Variants in ASH1L observed in about 807,000 individuals in gnomAD.
ASH1L encodes histone-lysine N-methyltransferase ASH1L.
A neutral mutation model predicts 269.0 loss-of-function variants in ASH1L; 23 were observed. That is an observed-to-expected ratio of 0.09 (90% CI 0.06 to 0.12). ASH1L has a LOEUF of 0.12. ASH1L is among the 10% of genes least tolerant of loss of function. ASH1L has a pLI of 1.00. For missense variants in ASH1L, 2,912 were observed against 3,567.8 expected (o/e 0.82, Z 4.68); for synonymous variants, 1,187 against 1,253.5 (o/e 0.95, Z 1.12).
intron 1 of ASH1L, among the ~76,000 whole-genome samples, chr1:155,547,282 A>T (rs1341749505): frequency 6.6e-6 from 1 of 152,004 alleles, no homozygotes; most frequent in African/African-American, 2.4e-5. Context: ...ACCATTTAAA[A>T]AAAAAAAAAG....
chr1:155,418,483 A>T (rs531072786), intron 5 of ASH1L, among the ~76,000 whole-genome samples: 2 of 152,262 alleles, frequency 1.3e-5, no homozygotes, highest in South Asian at 4.1e-4. Context: ...TTATGTAAAG[A>T]ATATAATACT....
intron 1 of ASH1L, among the ~76,000 whole-genome samples, chr1:155,536,695 T>C (rs1670080491): frequency 1.3e-5 from 2 of 152,014 alleles, no homozygotes; most frequent in Admixed American, 6.6e-5. Context: ...ATCATGCCAC[T>C]GCACTCCAGC....
chr1:155,531,096 T>C (rs1669640134), intron 1 of ASH1L, among the ~76,000 whole-genome samples: 1 of 151,540 alleles, frequency 6.6e-6, no homozygotes, highest in Non-Finnish European at 1.5e-5. Context: ...TGTTCAACAC[T>C]GGAGTGAGCT....
intron 2 of ASH1L, among the ~76,000 whole-genome samples, chr1:155,497,765 T>C (rs1368996915): frequency 6.6e-6 from 1 of 152,004 alleles, no homozygotes; most frequent in Non-Finnish European, 1.5e-5. Flanking sequence ...TTTTTTTTTT[T>C]TGAGACGGAG....
intron 6 of ASH1L, among the ~76,000 whole-genome samples, chr1:155,400,826 A>G (rs1481984065): frequency 6.6e-6 from 1 of 152,178 alleles, no homozygotes; most frequent in Non-Finnish European, 1.5e-5. Context: ...ATAATCACCT[A>G]TTTACAGGGA....
intron 2 of ASH1L, among the ~76,000 whole-genome samples, chr1:155,482,902 C>A (rs1424126194): frequency 6.6e-6 from 1 of 152,076 alleles, no homozygotes; most frequent in Non-Finnish European, 1.5e-5. Flanking sequence ...GATTCTAAAC[C>A]TATAGAAGAC....
chr1:155,410,461 G>A (rs889023429), intron 6 of ASH1L, among the ~76,000 whole-genome samples: 2 of 151,910 alleles, frequency 1.3e-5, no homozygotes, highest in Non-Finnish European at 2.9e-5. Context: ...CTGCCACTGC[G>A]CCCAGCTAAT....
chr1:155,482,834 T>G (rs933319873), intron 2 of ASH1L, among the ~76,000 whole-genome samples: 7 of 152,174 alleles, frequency 4.6e-5, no homozygotes, highest in Admixed American at 3.3e-4. Flanking sequence ...AGTTACAGTA[T>G]CCTATGGTCG....
intron 1 of ASH1L, among the ~76,000 whole-genome samples, chr1:155,525,328 C>T (rs1383123493): frequency 6.6e-6 from 1 of 151,932 alleles, no homozygotes; most frequent in Non-Finnish European, 1.5e-5. Flanking sequence ...GGCTCACAAT[C>T]CTGAAGTCCA....
At chr1:155,352,613 T>C in intron 17 of ASH1L, 93 bp downstream of exon 17, 2 of 1,316,012 alleles carry the variant, frequency 1.5e-6, no homozygotes, top group South Asian at 3.4e-5. Flanking sequence ...GAGACTAGCC[T>C]GGGCAATATA....
chr1:155,362,697 A>G (rs1655071511), intron 12 of ASH1L, among the ~76,000 whole-genome samples: 2 of 152,094 alleles, frequency 1.3e-5, no homozygotes, highest in African/African-American at 2.4e-5. Flanking sequence ...AAACAATCCT[A>G]TAGAAAAAAC....
At chr1:155,473,779 C>A (rs921646698) in intron 3 of ASH1L, among the ~76,000 whole-genome samples, 1 of 152,144 alleles carries the variant, frequency 6.6e-6, no homozygotes, top group Admixed American at 6.5e-5. Context: ...AGATTACAGG[C>A]ATTAGCCACC....
chr1:155,346,576 G>A lies in ASH1L; in HGVS notation c.7804-107C>T. ...CAATAGGTCAGGGTAAAGTAAAAGA[G>A]GAACTAAGGGATAACTGGGTGAATG... On this transcript the variant is annotated intron_variant, in intron 20 of 27. Transcript: ENST00000392403. 40 of 814,026 alleles carry A rather than the reference G, an allele frequency of 4.9e-5. No individual in the cohort carries two copies. The South Asian group carries it at 5.7e-4, about 12-fold the overall frequency. 50.4% of individuals were successfully genotyped at this position (814,026 alleles called of 1,614,324 possible). A position where few individuals can be genotyped will look rare whatever the true frequency, so the allele number is the denominator to read the frequency against.
chr1:155,427,905 G>A (rs748491449), intron 5 of ASH1L, among the ~76,000 whole-genome samples: 13 of 152,226 alleles, frequency 8.5e-5, no homozygotes, highest in Non-Finnish European at 1.8e-4. Context: ...AGTGAGTTCT[G>A]TTGAGATCTG....
Position 155,468,108 on chromosome 1 carries a change from TG to T in ASH1L, c.4985-8211del, listed in dbSNP as rs1664826199. Among the ~76,000 whole-genome samples the T allele has an allele frequency of 2.0e-5, 3 of 152,162 alleles. No homozygotes were observed. The South Asian group carries it at 6.2e-4, about 31-fold the overall frequency. ...TCTGGGATATCACATTGTATTTAGT[TG>T]TCATGTCTCCTTAGTCTTCTCTGTT... is the stretch of plus-strand genomic sequence containing the variant. On this transcript the variant is annotated intron_variant, in intron 3 of 27. Coordinates refer to ENST00000392403, the MANE Select transcript of ASH1L (RefSeq NM_018489.3).
At chr1:155,494,448 A>G (rs1299331217) in intron 2 of ASH1L, among the ~76,000 whole-genome samples, 1 of 152,232 alleles carries the variant, frequency 6.6e-6, no homozygotes, top group Non-Finnish European at 1.5e-5. Flanking sequence ...ACTGTTGTGG[A>G]TATGTCAAGG....
chr1:155,514,262 T>G (rs1289468157), intron 2 of ASH1L, among the ~76,000 whole-genome samples: 1 of 152,186 alleles, frequency 6.6e-6, no homozygotes, highest in Non-Finnish European at 1.5e-5. Flanking sequence ...AATTATACAC[T>G]TACAAATGGT....
At chr1:155,471,767 A>T (rs1200360719) in intron 3 of ASH1L, among the ~76,000 whole-genome samples, 1 of 152,230 alleles carries the variant, frequency 6.6e-6, no homozygotes, top group African/African-American at 2.4e-5. Flanking sequence ...CGAAGTTGCA[A>T]ATTTTTAGCA....
intron 7 of ASH1L, among the ~76,000 whole-genome samples, chr1:155,393,848 A>G (rs555515154): frequency 6.6e-6 from 1 of 152,214 alleles, no homozygotes; most frequent in African/African-American, 2.4e-5. Context: ...CACCGCACCC[A>G]GCCTTCTCCT....
Sources: gnomAD v4.1 joint callset for allele counts (sites outside exome capture counted in the v4.1 genomes callset) on GRCh38, gnomAD v4.1.1 for gene constraint, MANE v1.5 for transcripts, NCBI Gene and HGNC (gene_info 2026-07-23, HGNC 2026-07-21) for gene names.